DLG2: variants seen among roughly 807,000 people sequenced by gnomAD.
The protein encoded by DLG2 is disks large homolog 2.
DLG2 carries 45 observed loss-of-function variants against 132.5 expected under a neutral mutation model. That is an observed-to-expected ratio of 0.34 (90% CI 0.27 to 0.44). The LOEUF (loss-of-function observed/expected upper bound fraction) is 0.44. Among genes scored for constraint, DLG2 ranks in the 20% least tolerant of loss-of-function variants. DLG2 has a pLI of 1.00. For missense variants in DLG2, 1,045 were observed against 1,196.9 expected, an observed-to-expected ratio of 0.87 and a Z score of 1.87; for synonymous variants, 424 against 419.6, an observed-to-expected ratio of 1.01 and a Z score of -0.13.
chr11:84,043,881 C>T (rs1332274199), intron 11 of DLG2, among the ~76,000 whole-genome samples: 5 of 151,590 alleles, frequency 3.3e-5, no homozygotes, highest in African/African-American at 4.8e-5. Context: ...CATTTTCTAC[C>T]TTTATTTTTT....
intron 18 of DLG2, among the ~76,000 whole-genome samples, chr11:83,703,922 A>C (rs1462741674): frequency 6.6e-6 from 1 of 152,200 alleles, no homozygotes; most frequent in Non-Finnish European, 1.5e-5. Context: ...TACTTTTACA[A>C]AAGAAAAAAA....
At chr11:83,628,430 A>C (rs2062990564) in intron 19 of DLG2, among the ~76,000 whole-genome samples, 1 of 152,114 alleles carries the variant, frequency 6.6e-6, no homozygotes, top group Non-Finnish European at 1.5e-5. Flanking sequence ...GCTGCTCTAC[A>C]ATGTCTCACA....
intron 6 of DLG2, among the ~76,000 whole-genome samples, chr11:84,983,401 C>A (rs542493603): frequency 6.6e-6 from 1 of 152,080 alleles, no homozygotes; most frequent in Non-Finnish European, 1.5e-5. Flanking sequence ...GCAATCACTA[C>A]AGTTCGGCTC....
intron 3 of DLG2, among the ~76,000 whole-genome samples, chr11:85,586,740 T>C (rs2078997245): frequency 6.6e-6 from 1 of 152,138 alleles, no homozygotes; most frequent in Non-Finnish European, 1.5e-5. Flanking sequence ...TCTGTTAGGT[T>C]TGGGTTGGTT....
At chr11:84,764,349 G>A (rs1056316357) in intron 6 of DLG2, among the ~76,000 whole-genome samples, 4 of 152,078 alleles carry the variant, frequency 2.6e-5, no homozygotes, top group Non-Finnish European at 5.9e-5. Flanking sequence ...CATTTCAGAT[G>A]TTTCCACTTG....
At chr11:84,501,498 G>A (rs1238796589) in intron 7 of DLG2, among the ~76,000 whole-genome samples, 1 of 152,174 alleles carries the variant, frequency 6.6e-6, no homozygotes, top group African/African-American at 2.4e-5. Context: ...CCGGGAAGAT[G>A]GACGGTGGAG....
intron 19 of DLG2, among the ~76,000 whole-genome samples, chr11:83,581,074 T>C (rs1309696908): frequency 6.6e-6 from 1 of 151,768 alleles, no homozygotes; most frequent in African/African-American, 2.4e-5. Flanking sequence ...TGAACAAACT[T>C]GTCCACAGTT....
chr11:85,528,626 T>G (rs1184059790), intron 3 of DLG2, among the ~76,000 whole-genome samples: 1 of 152,210 alleles, frequency 6.6e-6, no homozygotes, highest in African/African-American at 2.4e-5. Flanking sequence ...AGCAATTCTA[T>G]TCCTGGCACT....
In DLG2 at chr11:85,509,537, C is replaced by T. The variant is rs188751515; in HGVS notation, c.40+89120G>A. On this transcript the variant is annotated intron_variant, in intron 3 of 27. Coordinates refer to ENST00000376104, the MANE Select transcript of DLG2 (RefSeq NM_001142699.3). ...CAATCTAAGGACAGGATATGTATAG[C>T]CTTTTCTTGTGAAAGACAAACACAC... Among the ~76,000 whole-genome samples, 8 of 152,110 alleles carry T rather than the reference C, an allele frequency of 5.3e-5. No homozygotes were observed. In the East Asian group the frequency reaches 5.8e-4, roughly 11 times the overall value.
chr11:84,674,579 C>T (rs993265315), intron 6 of DLG2, among the ~76,000 whole-genome samples: 1 of 152,036 alleles, frequency 6.6e-6, no homozygotes, highest in African/African-American at 2.4e-5. Context: ...CAAAACAAAA[C>T]TGAACTTCAA....
At chr11:84,447,421 A>T (rs1018238194) in intron 7 of DLG2, among the ~76,000 whole-genome samples, 4 of 152,150 alleles carry the variant, frequency 2.6e-5, no homozygotes, top group African/African-American at 9.7e-5. Flanking sequence ...AGCCGAAAAG[A>T]ATGATTTCTA....
chr11:85,120,681 C>CTAAAAAA, intron 5 of DLG2, among the ~76,000 whole-genome samples: 1 of 151,944 alleles, frequency 6.6e-6, no homozygotes, highest in Non-Finnish European at 1.5e-5. Flanking sequence ...GAGAGGTAAG[C>CTAAAAAA]TAAAAAAATT....
At chr11:83,994,301 G>A (rs753096778) in intron 11 of DLG2, among the ~76,000 whole-genome samples, 2 of 152,254 alleles carry the variant, frequency 1.3e-5, no homozygotes, top group South Asian at 2.1e-4. Context: ...ATTCCCCCAC[G>A]TTGGATAGTT....
intron 15 of DLG2, 73 bp downstream of exon 15, chr11:83,930,255 C>G (rs774130814): frequency 2.0e-6 from 3 of 1,535,782 alleles, no homozygotes; most frequent in African/African-American, 2.7e-5. Flanking sequence ...TGAGCAGAGG[C>G]GGATTCTACC....
At chr11:84,277,497 T>A (rs915815082) in intron 7 of DLG2, among the ~76,000 whole-genome samples, 1 of 152,078 alleles carries the variant, frequency 6.6e-6, no homozygotes, top group African/African-American at 2.4e-5. Context: ...AGAAAAAAAT[T>A]AAAAATGAGA....
intron 6 of DLG2, among the ~76,000 whole-genome samples, chr11:84,945,498 C>G (rs890080230): frequency 1.3e-5 from 2 of 152,206 alleles, no homozygotes; most frequent in African/African-American, 4.8e-5. Context: ...TGGGACTGTG[C>G]TGGATCAGAC....
intron 6 of DLG2, among the ~76,000 whole-genome samples, chr11:84,952,468 G>T (rs1375639453): frequency 1.3e-5 from 2 of 151,882 alleles, no homozygotes; most frequent in Admixed American, 1.3e-4. Flanking sequence ...AGTGAGCGGA[G>T]ATCGCGCCAC....
intron 6 of DLG2, among the ~76,000 whole-genome samples, chr11:84,782,624 C>T (rs1023780315): frequency 5.9e-5 from 9 of 152,206 alleles, no homozygotes; most frequent in African/African-American, 1.7e-4. Context: ...CAATCATTTG[C>T]CACCTATGAG....
chr11:84,296,921 C>A (rs2098096741), intron 7 of DLG2, among the ~76,000 whole-genome samples: 2 of 151,896 alleles, frequency 1.3e-5, no homozygotes, highest in Admixed American at 1.3e-4. Flanking sequence ...TTCCAAATAT[C>A]TTTCATGAAA....
Sources: allele counts gnomAD v4.1 joint callset (sites outside exome capture counted in the v4.1 genomes callset), GRCh38; gene constraint gnomAD v4.1.1; transcripts MANE v1.5; gene names NCBI Gene and HGNC (gene_info 2026-07-23, HGNC 2026-07-21).